Variants in TXNDC11 observed in about 807,000 individuals in gnomAD.
TXNDC11 encodes the protein thioredoxin domain containing 11.
In TXNDC11, 68 loss-of-function variants were observed where a neutral mutation model predicts 78.0. The observed-to-expected ratio is 0.87, with a 90% CI of 0.72 to 1.07. The LOEUF (loss-of-function observed/expected upper bound fraction) is 1.07, where lower values mean the gene tolerates loss of function less well. TXNDC11 is among the 50% of genes least tolerant of loss of function. The pLI is 0.00. For synonymous variants in TXNDC11, 571 were observed against 495.2 expected (o/e 1.15, Z -2.03); for missense variants, 1,389 against 1,221.8 (o/e 1.14, Z -2.04).
At chr16:11,737,792 A>C (rs1316415978) in intron 1 of TXNDC11, among the ~76,000 whole-genome samples, 1 of 147,818 alleles carries the variant, frequency 6.8e-6, no homozygotes, top group East Asian at 2.1e-4. Flanking sequence ...TGTAGGTTGC[A>C]GTGAGCCAAG....
At chr16:11,721,456 TA>T in intron 5 of TXNDC11, 120 bp downstream of exon 5, 1 of 567,984 alleles carries the variant, frequency 1.8e-6, no homozygotes. Context: ...ATAAAATAAA[TA>T]AAAATACGTT....
intron 5 of TXNDC11, among the ~76,000 whole-genome samples, chr16:11,701,906 TG>T (rs1002299860): frequency 2.6e-5 from 4 of 152,096 alleles, no homozygotes; most frequent in African/African-American, 9.7e-5. Flanking sequence ...TCCACATGTT[TG>T]TTAGGAGTCA....
chr16:11,681,539 G>C (rs763622541), intron 11 of TXNDC11, among the ~76,000 whole-genome samples: 8 of 152,196 alleles, frequency 5.3e-5, no homozygotes, highest in Non-Finnish European at 1.2e-4. Flanking sequence ...GTGAAACTAT[G>C]GTGGGAAGAG....
Position 11,691,278 on chromosome 16 carries a change from T to C in TXNDC11, c.1900+12A>G, listed in dbSNP as rs2050705876. The C allele has an allele frequency of 1.3e-5, 20 of 1,593,444 alleles. No homozygotes were observed. Among genetic ancestry groups the C allele is most frequent in the Non-Finnish European group, 1.7e-5 (20 of 1,170,620 alleles). On this transcript the variant is annotated intron_variant, in intron 8 of 11. Transcript: ENST00000283033. ...ATGTACAATGCTTGGGGAAATAAAC[T>C]GCCTGCAGTACCTAGGGTGAGCTTC... is the stretch of plus-strand genomic sequence containing the variant.
At chr16:11,689,793 T>TA (rs997811479) in intron 8 of TXNDC11, among the ~76,000 whole-genome samples, 21 of 149,934 alleles carry the variant, frequency 1.4e-4, no homozygotes, top group East Asian at 3.9e-4. Flanking sequence ...CTTTCCCATT[T>TA]AAAAAAAAAA....
chr16:11,688,369 G>A lies in TXNDC11; in HGVS notation c.1977C>T (p.Phe659=), dbSNP rs555238171. Residue 659 remains phenylalanine, a synonymous_variant, in exon 9 of 12, where the codon TTC becomes TTT. Transcript: ENST00000283033. ...RHLIGSGSAQ[F]PSQHLITEVT... Reference sequence around the variant, plus strand: ...CTTCAGTGATTAAATGCTGAGACGGGAACTGGGCAGAGCCACTTCCAATGA... The same window carrying A: ...CTTCAGTGATTAAATGCTGAGACGGAAACTGGGCAGAGCCACTTCCAATGA... The A allele has an allele frequency of 5.6e-6, 9 of 1,614,134 alleles. No individual in the cohort carries two copies. The South Asian group carries it at 9.9e-5, about 18-fold the overall frequency.
At chr16:11,711,784 T>C (rs553850329) in intron 5 of TXNDC11, among the ~76,000 whole-genome samples, 5 of 152,340 alleles carry the variant, frequency 3.3e-5, no homozygotes, top group African/African-American at 7.2e-5. Flanking sequence ...CTGAGCCAGT[T>C]AGCAACCCCT....
intron 3 of TXNDC11, among the ~76,000 whole-genome samples, chr16:11,731,105 G>C (rs1458722687): frequency 2.0e-5 from 3 of 152,118 alleles, no homozygotes; most frequent in Non-Finnish European, 2.9e-5. Flanking sequence ...ACAAAACAGA[G>C]AGACAACCCT....
intron 11 of TXNDC11, among the ~76,000 whole-genome samples, chr16:11,682,418 C>T (rs1381558742): frequency 2.0e-5 from 3 of 152,196 alleles, no homozygotes; most frequent in Admixed American, 1.3e-4. Flanking sequence ...CAGCATGGGG[C>T]CGGAGAAATG....
rs572328093 is a variant in TXNDC11, at chr16:11,724,594, T to G, written c.700-2924A>C. On this transcript the variant is annotated intron_variant, in intron 4 of 11. Transcript: ENST00000283033. ...GCCTGGGCAACATGGCAAGACCTCATCTCTATAAAATAAAAATAAAAATGA... is the reference window on the plus strand; with the variant it reads ...GCCTGGGCAACATGGCAAGACCTCAGCTCTATAAAATAAAAATAAAAATGA... Among the ~76,000 whole-genome samples the G allele has an allele frequency of 6.6e-5, 10 of 152,228 alleles. No individual in the cohort carries two copies. In the South Asian group the frequency reaches 1.9e-3, roughly 28 times the overall value.
chr16:11,721,470 G>C lies in TXNDC11; in HGVS notation c.793+107C>G, dbSNP rs559301127. 4.5e-4 allele frequency: 286 copies of C among 628,642 alleles called. No homozygotes were observed. The African/African-American group carries it at 4.9e-3, about 11-fold the overall frequency. 38.9% of individuals were successfully genotyped at this position (628,642 alleles called of 1,614,324 possible). A position where few individuals can be genotyped will look rare whatever the true frequency, so the allele number is the denominator to read the frequency against. ...AATAAAATAAATAAAAATACGTTGA[G>C]AAAAGGAATCAAGCAAATTAGAATA... On this transcript the variant is annotated intron_variant, in intron 5 of 11. Coordinates refer to ENST00000283033, the MANE Select transcript of TXNDC11 (RefSeq NM_015914.7).
chr16:11,679,233 G>C lies in TXNDC11; in HGVS notation c.2839C>G (p.Leu947Val), dbSNP rs139507945. 1.0e-4 allele frequency: 162 copies of C among 1,613,550 alleles called. No individual in the cohort carries two copies. Among genetic ancestry groups the C allele is most frequent in the Non-Finnish European group, 1.3e-4 (154 of 1,180,024 alleles). Residue 947 changes from leucine (L) to valine (V), a missense_variant, in exon 12 of 12, where the codon CTG becomes GTG. Coordinates refer to ENST00000283033, the MANE Select transcript of TXNDC11 (RefSeq NM_015914.7). This position sits in a 1 kb window ranked among gnomAD's most constrained non-coding sequence, Gnocchi z 4.6. ...SPPPANVSAT[L>V]VSERNKENRT... Reference sequence around the variant, plus strand: ...TTCTCCTTATTCCTTTCAGACACCAGTGTGGCGCTGACATTGGCAGGTGGA... The same window carrying C: ...TTCTCCTTATTCCTTTCAGACACCACTGTGGCGCTGACATTGGCAGGTGGA...
chr16:11,716,540 GC>G (rs2051531840), intron 5 of TXNDC11, among the ~76,000 whole-genome samples: 1 of 152,102 alleles, frequency 6.6e-6, no homozygotes. Flanking sequence ...AAGATTGCCA[GC>G]CCACAATTAA....
rs747835968 is a variant in TXNDC11 at position 11,679,517 on chromosome 16, A to G, written c.2555T>C (p.Leu852Pro). Residue 852 changes from leucine (L) to proline (P), a missense_variant, in exon 12 of 12, where the codon CTC becomes CCC. Transcript: ENST00000283033. The surrounding 1 kb of genome is among the most constrained non-coding windows in gnomAD (Gnocchi z 4.6). Reference protein sequence around the residue: ...QRALEEQHSLLHAHSEQLQAL... With the variant: ...QRALEEQHSLPHAHSEQLQAL... ...CTGCAGCTGCTCACTGTGTGCGTGG[A>G]GCAGGCTGTGCTGCTCTTCCAGGGC... The G allele has an allele frequency of 2.5e-6, 4 of 1,613,336 alleles. No homozygotes were observed. The highest frequency in any genetic ancestry group is 3.4e-6 in the Non-Finnish European group (4 of 1,180,014).
intron 10 of TXNDC11, 69 bp from the exon 11 acceptor site, chr16:11,684,314 C>G: frequency 8.5e-7 from 1 of 1,180,334 alleles, no homozygotes; most frequent in Non-Finnish European, 1.2e-6. Flanking sequence ...AGAACCTTCT[C>G]AGATAACTTC....
chr16:11,702,450 C>A lies in TXNDC11; in HGVS notation c.794-1886G>T, dbSNP rs575310201. On this transcript the variant is annotated intron_variant, in intron 5 of 11. Transcript: ENST00000283033. ...TGGGAGGCCGAGGTGGGTGGATTGCCTGAGCTCAGAAGTTCAAGACCAGCC... is the reference window on the plus strand; with the variant it reads ...TGGGAGGCCGAGGTGGGTGGATTGCATGAGCTCAGAAGTTCAAGACCAGCC... Among the ~76,000 whole-genome samples the A allele has an allele frequency of 1.7e-3, 259 of 152,192 alleles. 1 individual carries two copies. The highest frequency in any genetic ancestry group is 5.9e-3 in the African/African-American group (244 of 41,522).
chr16:11,723,993 G>C (rs2051797362), intron 4 of TXNDC11, among the ~76,000 whole-genome samples: 1 of 152,076 alleles, frequency 6.6e-6, no homozygotes, highest in African/African-American at 2.4e-5. Flanking sequence ...CAAGTCAAAT[G>C]AATCTGTCAA....
rs1800810131 is a variant in TXNDC11, at chr16:11,736,094, A to G, written c.394T>C (p.Phe132Leu). ...GACTGTCCACACCAAGGGGCATAGA[A>G]GAAGAGCAGTACCACCTCTGAATCC... ...RRDSEVVLLF[F>L]YAPWCGQSIA... Residue 132 changes from phenylalanine (F) to leucine (L), a missense_variant, in exon 2 of 12, where the codon TTC becomes CTC. Phe to Leu is a conservative substitution (Grantham distance 22, BLOSUM62 0). Coordinates refer to ENST00000283033, the MANE Select transcript of TXNDC11 (RefSeq NM_015914.7). 1 of 1,614,088 alleles carries G rather than the reference A, an allele frequency of 6.2e-7. No homozygotes were observed. Among genetic ancestry groups the G allele is most frequent in the African/African-American group, 1.3e-5 (1 of 74,922 alleles).
Position 11,721,686 on chromosome 16 carries a change from C to G in TXNDC11, c.700-16G>C, listed in dbSNP as rs754290448. The G allele has an allele frequency of 2.8e-5, 43 of 1,541,302 alleles. 2 individuals carry two copies. The South Asian group carries it at 4.8e-4, about 17-fold the overall frequency. ...GTACTCCAGGCTGCAGGAAAAAGAG[C>G]AGAATTAGGTAACTGAGGCACTGTC... On this transcript the variant is annotated splice_polypyrimidine_tract_variant and intron_variant, in intron 4 of 11. Coordinates refer to ENST00000283033, the MANE Select transcript of TXNDC11 (RefSeq NM_015914.7).
Sources: allele counts gnomAD v4.1 joint callset (sites outside exome capture counted in the v4.1 genomes callset), GRCh38; gene constraint gnomAD v4.1.1; non-coding constraint Gnocchi (gnomAD v3.1); transcripts MANE v1.5; gene names NCBI Gene and HGNC (gene_info 2026-07-23, HGNC 2026-07-21).